EFNA2: variants seen among roughly 807,000 people sequenced by gnomAD.
EFNA2 encodes the protein ephrin A2, also known as ephrin-A2.
Under a neutral mutation model 19.7 loss-of-function variants are expected in EFNA2, and 18 were observed. The ratio of observed to expected loss-of-function variants is 0.91; its 90% CI spans 0.63 to 1.35. EFNA2 has a LOEUF of 1.35. Ranked by LOEUF, EFNA2 falls within the 40% of genes most tolerant of loss-of-function variation. The pLI is 0.00. For missense variants in EFNA2, 303 were observed against 296.0 expected (o/e 1.02, Z -0.17); for synonymous variants, 187 against 137.8 (o/e 1.36, Z -2.50).
rs572608419 is a variant in EFNA2, at chr19:1,287,510, G to A, written c.140+1202G>A. On this transcript the variant is annotated intron_variant, in intron 1 of 3. Transcript: ENST00000215368. This position sits in a 1 kb window ranked among gnomAD's most constrained non-coding sequence, Gnocchi z 6.2. ...CTGTCTCCTGCTGTCCTCGGTCCCC[G>A]GGAGGAAAGTTGCATGAAGGGGTCT... 1.2e-4 allele frequency among the ~76,000 whole-genome samples: 18 copies of A among 152,218 alleles called. 1 individual carries two copies. The South Asian group carries it at 2.5e-3, about 21-fold the overall frequency.
In EFNA2 at chr19:1,300,036, C is replaced by A; in HGVS notation, c.*91C>A. On this transcript the variant is annotated 3_prime_UTR_variant, in exon 4 of 4. Transcript: ENST00000215368. The stretch of plus-strand genomic sequence containing the variant: ...CCGGACCCGGCTGCGGCCCCCGCCT[C>A]CGAGACCAAATAGAGACGCTGCTTC... 1 of 1,452,856 alleles carries A rather than the reference C, an allele frequency of 6.9e-7. No individual in the cohort carries two copies. The highest frequency in any genetic ancestry group is 9.1e-7 in the Non-Finnish European group (1 of 1,102,392). 90.0% of individuals were successfully genotyped at this position (1,452,856 alleles called of 1,614,324 possible).
chr19:1,299,107 G>A (rs930946085), intron 3 of EFNA2, among the ~76,000 whole-genome samples: 21 of 152,124 alleles, frequency 1.4e-4, no homozygotes, highest in African/African-American at 3.4e-4. Flanking sequence ...GCCTGGTGGC[G>A]GGCTCCTGTA....
rs1294122553 is a variant in EFNA2 at position 1,297,136 on chromosome 19, C to T, written c.454+1278C>T. Among the ~76,000 whole-genome samples, 6 of 152,120 alleles carry T rather than the reference C, an allele frequency of 3.9e-5. No homozygotes were observed. The highest frequency in any genetic ancestry group is 8.8e-5 in the Non-Finnish European group (6 of 68,012). On this transcript the variant is annotated intron_variant, in intron 2 of 3. Transcript: ENST00000215368. This position sits in a 1 kb window ranked among gnomAD's most constrained non-coding sequence, Gnocchi z 5.0. ...AGGGATTCTCGTGGAGTGGGGACCC[C>T]GGCTTCTCAGCATCTCGGGGCCTGA... is the stretch of plus-strand genomic sequence containing the variant.
rs2081466303 is a variant in EFNA2, at chr19:1,286,597, C to T, written c.140+289C>T. On this transcript the variant is annotated intron_variant, in intron 1 of 3. Coordinates refer to ENST00000215368, the MANE Select transcript of EFNA2 (RefSeq NM_001405.4). This position sits in a 1 kb window ranked among gnomAD's most constrained non-coding sequence, Gnocchi z 5.6. ...GACGTCTCCTGGAGTTTGGGGAACCCCTCTGGTACCCTCCGATGCCGGGTA... is the reference window on the plus strand; with the variant it reads ...GACGTCTCCTGGAGTTTGGGGAACCTCTCTGGTACCCTCCGATGCCGGGTA... Among the ~76,000 whole-genome samples, 1 of 152,154 alleles carries T rather than the reference C, an allele frequency of 6.6e-6. No individual in the cohort carries two copies. The highest frequency in any genetic ancestry group is 2.4e-5 in the African/African-American group (1 of 41,448).
Position 1,294,863 on chromosome 19 carries a change from C to T in EFNA2, c.141-682C>T, listed in dbSNP as rs2081506740. On this transcript the variant is annotated intron_variant, in intron 1 of 3. Coordinates refer to ENST00000215368, the MANE Select transcript of EFNA2 (RefSeq NM_001405.4). This position sits in a 1 kb window ranked among gnomAD's most constrained non-coding sequence, Gnocchi z 5.8. ...AACAGGTGGGAGTGCAGAATGAAAG[C>T]AGGGCTGGGGGCTGCCTGGAGGAGG... 2.0e-5 allele frequency among the ~76,000 whole-genome samples: 3 copies of T among 152,032 alleles called. No individual in the cohort carries two copies. Among genetic ancestry groups the T allele is most frequent in the Admixed American group, 1.3e-4 (2 of 15,270 alleles).
At chr19:1,288,755 T>C (rs1205422066) in intron 1 of EFNA2, among the ~76,000 whole-genome samples, 2 of 152,070 alleles carry the variant, frequency 1.3e-5, no homozygotes, top group African/African-American at 4.8e-5. Context: ...ACCCACCTCC[T>C]TGGGCCGCTA....
rs546588217 is a variant in EFNA2, at chr19:1,300,018, C to G, written c.*73C>G. ...CCGCCTGACCTCGGCCCTCCGGACCCGGCTGCGGCCCCCGCCTCCGAGACC... is the reference window on the plus strand; with the variant it reads ...CCGCCTGACCTCGGCCCTCCGGACCGGGCTGCGGCCCCCGCCTCCGAGACC... On this transcript the variant is annotated 3_prime_UTR_variant, in exon 4 of 4. Transcript: ENST00000215368. 3.9e-5 allele frequency: 58 copies of G among 1,490,198 alleles called. No homozygotes were observed. The highest frequency in any genetic ancestry group is 1.0e-4 in the South Asian group (8 of 78,262). The allele number at this position is 1,490,198 out of a possible 1,614,324, so 92.3% of individuals were successfully genotyped here.
Position 1,294,614 on chromosome 19 carries a change from T to G in EFNA2, c.141-931T>G, listed in dbSNP as rs1160967920. Among the ~76,000 whole-genome samples, 1 of 133,906 alleles carries G rather than the reference T, an allele frequency of 7.5e-6. No individual in the cohort carries two copies. Among genetic ancestry groups the G allele is most frequent in the African/African-American group, 2.9e-5 (1 of 34,176 alleles). The allele number at this position is 133,906 out of a possible 152,430, so 87.8% of individuals were successfully genotyped here. A position where few individuals can be genotyped will look rare whatever the true frequency, so the allele number is the denominator to read the frequency against. On this transcript the variant is annotated intron_variant, in intron 1 of 3. Coordinates refer to ENST00000215368, the MANE Select transcript of EFNA2 (RefSeq NM_001405.4). This position sits in a 1 kb window ranked among gnomAD's most constrained non-coding sequence, Gnocchi z 5.8. The stretch of plus-strand genomic sequence containing the variant: ...AGGAAGGCAGGGGTGGGGCTGGGAG[T>G]GGAGCCCAGGATGTCTCCGAGCTGG...
Position 1,286,185 on chromosome 19 carries a change from G to C in EFNA2, c.17G>C (p.Arg6Pro), listed in dbSNP as rs984103747. 2 of 1,024,632 alleles carry C rather than the reference G, an allele frequency of 2.0e-6. No homozygotes were observed. The highest frequency in any genetic ancestry group is 2.3e-6 in the Non-Finnish European group (2 of 855,236). 63.5% of individuals were successfully genotyped at this position (1,024,632 alleles called of 1,614,324 possible). ...ACCGGGGCCATGGCGCCCGCGCAGCGCCCGCTGCTCCCGCTGCTGCTCCTG... is the reference window on the plus strand; with the variant it reads ...ACCGGGGCCATGGCGCCCGCGCAGCCCCCGCTGCTCCCGCTGCTGCTCCTG... MAPAQ[R>P]PLLPLLLLLL... The change falls in exon 1 of 4, where the codon CGC (arginine) becomes CCC (proline). Residue 6 changes from arginine to proline, a missense_variant. Physicochemically the swap from Arg to Pro is moderately radical, Grantham distance 103 (BLOSUM62 -2). Coordinates refer to ENST00000215368, the MANE Select transcript of EFNA2 (RefSeq NM_001405.4). This position sits in a 1 kb window ranked among gnomAD's most constrained non-coding sequence, Gnocchi z 5.6.
At position 1,299,657 on chromosome 19, in the gene EFNA2, C is replaced by A. The variant is rs541794664; in HGVS notation, c.521-167C>A. 1.5e-4 allele frequency among the ~76,000 whole-genome samples: 23 copies of A among 151,114 alleles called. No individual in the cohort carries two copies. The South Asian group carries it at 4.8e-3, about 32-fold the overall frequency. On this transcript the variant is annotated intron_variant, in intron 3 of 3. Coordinates refer to ENST00000215368, the MANE Select transcript of EFNA2 (RefSeq NM_001405.4). ...AGGTCCCCCACTTCAGGCCAAGTGA[C>A]TTTGCCCGGAGAGTGGGCATCGGGG...
At position 1,287,018 on chromosome 19, in the gene EFNA2, G is replaced by A. The variant is rs1348150944; in HGVS notation, c.140+710G>A. 6.6e-6 allele frequency among the ~76,000 whole-genome samples: 1 copy of A among 152,182 alleles called. No homozygotes were observed. The highest frequency in any genetic ancestry group is 2.4e-5 in the African/African-American group (1 of 41,444). ...TCAAGGTCATGCAAGGGGGGGACTT[G>A]GGGGCAGGACCCAGGTGGCCCAGTG... On this transcript the variant is annotated intron_variant, in intron 1 of 3. Coordinates refer to ENST00000215368, the MANE Select transcript of EFNA2 (RefSeq NM_001405.4). The surrounding 1 kb of genome is among the most constrained non-coding windows in gnomAD (Gnocchi z 6.2).
In EFNA2 at chr19:1,297,997, G is replaced by T. The variant is rs1211067283; in HGVS notation, c.455-554G>T. Among the ~76,000 whole-genome samples the T allele has an allele frequency of 6.8e-6, 1 of 147,874 alleles. No individual in the cohort carries two copies. Among genetic ancestry groups the T allele is most frequent in the East Asian group, 2.0e-4 (1 of 5,050 alleles). On this transcript the variant is annotated intron_variant, in intron 2 of 3. Transcript: ENST00000215368. This position sits in a 1 kb window ranked among gnomAD's most constrained non-coding sequence, Gnocchi z 5.0. The stretch of plus-strand genomic sequence containing the variant: ...TGAGGCAGGAGAATTGCTTGAACCC[G>T]GGAGGCTGAGATTGCAGTGAGCCGA...
chr19:1,291,255 C>G (rs1351448590), intron 1 of EFNA2, among the ~76,000 whole-genome samples: 3 of 152,190 alleles, frequency 2.0e-5, no homozygotes, highest in African/African-American at 7.2e-5. Context: ...CTGCCCGGCC[C>G]ATCTTTTTCC....
rs914328096 is a variant in EFNA2 at position 1,299,985 on chromosome 19, C to T, written c.*40C>T. 1.1e-5 allele frequency: 17 copies of T among 1,559,994 alleles called. No individual in the cohort carries two copies. Among genetic ancestry groups the T allele is most frequent in the East Asian group, 4.7e-5 (2 of 42,688 alleles). The stretch of plus-strand genomic sequence containing the variant: ...GACGCCGACCCTGCCTGGACGGCCC[C>T]GCCTGGACCGCCTGACCTCGGCCCT... On this transcript the variant is annotated 3_prime_UTR_variant, in exon 4 of 4. Coordinates refer to ENST00000215368, the MANE Select transcript of EFNA2 (RefSeq NM_001405.4).
chr19:1,285,495 G>GC (rs1319789818), upstream of EFNA2, among the ~76,000 whole-genome samples: 1 of 152,122 alleles, frequency 6.6e-6, no homozygotes, highest in African/African-American at 2.4e-5. This position sits in a 1 kb window ranked among gnomAD's most constrained non-coding sequence, Gnocchi z 4.1. Context: ...CTCTGCCCCG[G>GC]CCCCCGCAGG....
Position 1,295,921 on chromosome 19 carries a change from G to T in EFNA2, c.454+63G>T, listed in dbSNP as rs985319875. The T allele has an allele frequency of 3.0e-4, 441 of 1,454,224 alleles. 4 individuals carry two copies. In the African/African-American group the frequency reaches 6.4e-3, roughly 21 times the overall value. The allele number at this position is 1,454,224 out of a possible 1,614,324, so 90.1% of individuals were successfully genotyped here. On this transcript the variant is annotated intron_variant, in intron 2 of 3. Coordinates refer to ENST00000215368, the MANE Select transcript of EFNA2 (RefSeq NM_001405.4). This position sits in a 1 kb window ranked among gnomAD's most constrained non-coding sequence, Gnocchi z 5.8. ...GGGCGGGGACGCGGGGGCGGGGCCA[G>T]GAAGTGGGCGGGACCACTGGGGTGG...
Position 1,285,898 on chromosome 19 carries a change from TGCG to T in EFNA2, c.-259_-257del, listed in dbSNP as rs1303450938. Among the ~76,000 whole-genome samples, 2 of 143,954 alleles carry T rather than the reference TGCG, an allele frequency of 1.4e-5. No homozygotes were observed. Among genetic ancestry groups the T allele is most frequent in the African/African-American group, 5.0e-5 (2 of 39,978 alleles). 94.4% of individuals were successfully genotyped at this position (143,954 alleles called of 152,430 possible). A position where few individuals can be genotyped will look rare whatever the true frequency, so the allele number is the denominator to read the frequency against. ...GGAGCCCGGGCCCCTCCCCGGCGGG[TGCG>T]GCGGCGGCGGCCCGCGCTCCGACAG... On this transcript the variant is annotated 5_prime_UTR_variant, in exon 1 of 4. Coordinates refer to ENST00000215368, the MANE Select transcript of EFNA2 (RefSeq NM_001405.4). This position sits in a 1 kb window ranked among gnomAD's most constrained non-coding sequence, Gnocchi z 4.1.
intron 3 of EFNA2, 31 bp downstream of exon 3, chr19:1,298,647 G>C (rs745664961): frequency 6.2e-7 from 1 of 1,610,892 alleles, no homozygotes; most frequent in Admixed American, 1.7e-5. Flanking sequence ...GCAGGATCCA[G>C]GCCCCCACCC....
At position 1,291,781 on chromosome 19, in the gene EFNA2, G is replaced by T. The variant is rs969251779; in HGVS notation, c.141-3764G>T. On this transcript the variant is annotated intron_variant, in intron 1 of 3. Coordinates refer to ENST00000215368, the MANE Select transcript of EFNA2 (RefSeq NM_001405.4). ...GCGTCTAATAACTTGACAATTGCCC[G>T]ATTGGAGCTAATTAGCTCCAGGCCG... Among the ~76,000 whole-genome samples, 4 of 152,028 alleles carry T rather than the reference G, an allele frequency of 2.6e-5. No individual in the cohort carries two copies. In the East Asian group the frequency reaches 7.7e-4, roughly 29 times the overall value.
Sources: gnomAD v4.1 joint callset for allele counts (sites outside exome capture counted in the v4.1 genomes callset) on GRCh38, gnomAD v4.1.1 for gene constraint, Gnocchi (gnomAD v3.1) non-coding constraint, MANE v1.5 for transcripts, NCBI Gene and HGNC (gene_info 2026-07-23, HGNC 2026-07-21) for gene names.